KCMF1: variants seen among roughly 807,000 people sequenced by gnomAD.
KCMF1 encodes E3 ubiquitin-protein ligase KCMF1.
KCMF1 carries 3 observed loss-of-function variants against 41.1 expected under a neutral mutation model. The observed-to-expected ratio is 0.07, with a 90% CI of 0.03 to 0.19. KCMF1 has a LOEUF of 0.19. Among genes scored for constraint, KCMF1 ranks in the 10% least tolerant of loss-of-function variants. The probability of loss-of-function intolerance (pLI) is 1.00; values close to 1 mark genes in which losing one functional copy is unlikely to be tolerated. For missense variants in KCMF1, 286 were observed against 488.9 expected, an observed-to-expected ratio of 0.58 and a Z score of 3.91; for synonymous variants, 142 against 164.5, an observed-to-expected ratio of 0.86 and a Z score of 1.04.
chr2:84,987,699 T>C (rs1223096476), intron 1 of KCMF1, among the ~76,000 whole-genome samples: 1 of 152,182 alleles, frequency 6.6e-6, no homozygotes, highest in Non-Finnish European at 1.5e-5. Context: ...TTTAAGAATT[T>C]CATAGCCTTC....
rs1675966140 is a variant in KCMF1 at position 85,057,634 on chromosome 2, C to T, written c.*4225C>T. On this transcript the variant is annotated 3_prime_UTR_variant, in exon 7 of 7. Transcript: ENST00000409785. Reference sequence around the variant, plus strand: ...CCTGTGCTTATCGGCTTCAACTGTGCTTACACAACGTTTGTTTCTAATTCG... The same window carrying T: ...CCTGTGCTTATCGGCTTCAACTGTGTTTACACAACGTTTGTTTCTAATTCG... The T allele has an allele frequency of 6.6e-6, 1 of 152,214 alleles. No homozygotes were observed. Among genetic ancestry groups the T allele is most frequent in the African/African-American group, 2.4e-5 (1 of 41,450 alleles). The allele number at this position is 152,214 out of a possible 1,614,324, so 9.4% of individuals were successfully genotyped here. A position where few individuals can be genotyped will look rare whatever the true frequency, so the allele number is the denominator to read the frequency against.
chr2:84,977,028 A>G lies in KCMF1; in HGVS notation c.16+5561A>G, dbSNP rs1444582964. ...TCTCTCTCTCTCCTTTTTTATAATT[A>G]TTTTTTTTTACTCTCTGTTGCCCAG... On this transcript the variant is annotated intron_variant, in intron 1 of 6. Coordinates refer to ENST00000409785, the MANE Select transcript of KCMF1 (RefSeq NM_020122.5). 3.3e-5 allele frequency among the ~76,000 whole-genome samples: 5 copies of G among 150,446 alleles called. No individual in the cohort carries two copies. The South Asian group carries it at 1.1e-3, about 32-fold the overall frequency.
chr2:85,039,642 T>C (rs898427788), intron 3 of KCMF1, among the ~76,000 whole-genome samples: 3 of 152,064 alleles, frequency 2.0e-5, no homozygotes, highest in African/African-American at 7.2e-5. Flanking sequence ...GGAGACTCTG[T>C]ACGTTCTTGG....
At chr2:84,975,042 A>T (rs886240844) in intron 1 of KCMF1, among the ~76,000 whole-genome samples, 1 of 152,078 alleles carries the variant, frequency 6.6e-6, no homozygotes, top group African/African-American at 2.4e-5. Context: ...ATGAAATATG[A>T]TTTGTCATTT....
chr2:84,974,567 A>G (rs1354192041), intron 1 of KCMF1, among the ~76,000 whole-genome samples: 1 of 149,718 alleles, frequency 6.7e-6, no homozygotes, highest in African/African-American at 2.5e-5. Flanking sequence ...GAGCTGTAAT[A>G]GTACGAAAGC....
intron 1 of KCMF1, 151 bp from the exon 2 acceptor site, chr2:85,027,738 T>C: frequency 1.7e-6 from 1 of 596,982 alleles, no homozygotes; most frequent in South Asian, 2.1e-5. Flanking sequence ...ATCCAGCACA[T>C]GGCTAAAACT....
intron 1 of KCMF1, among the ~76,000 whole-genome samples, chr2:84,985,004 A>G (rs1574006381): frequency 6.6e-6 from 1 of 152,108 alleles, no homozygotes; most frequent in East Asian, 1.9e-4. Context: ...GCTACTTTAG[A>G]TAGGGTGGTC....
intron 1 of KCMF1, among the ~76,000 whole-genome samples, chr2:84,982,885 G>A (rs1673801174): frequency 6.6e-6 from 1 of 152,156 alleles, no homozygotes; most frequent in African/African-American, 2.4e-5. Flanking sequence ...CTATACATAT[G>A]AATATACATA....
Position 85,020,880 on chromosome 2 carries a change from T to C in KCMF1, c.17-7009T>C, listed in dbSNP as rs181447854. Among the ~76,000 whole-genome samples, 509 of 152,280 alleles carry C rather than the reference T, an allele frequency of 3.3e-3. 2 individuals carry two copies. The highest frequency in any genetic ancestry group is 5.4e-3 in the Non-Finnish European group (368 of 68,026). On this transcript the variant is annotated intron_variant, in intron 1 of 6. Transcript: ENST00000409785. Reference sequence around the variant, plus strand: ...TTCCACCTTGCTCTACAACTTTTTTTCTTTTATTGGAGTCAGGGTTTGCTC... The same window carrying C: ...TTCCACCTTGCTCTACAACTTTTTTCCTTTTATTGGAGTCAGGGTTTGCTC...
In KCMF1 at chr2:85,024,720, C is replaced by T. The variant is rs116415640; in HGVS notation, c.17-3169C>T. 9.3e-3 allele frequency among the ~76,000 whole-genome samples: 1,417 copies of T among 152,176 alleles called. 17 individuals are homozygous for T. Among genetic ancestry groups the T allele is most frequent in the African/African-American group, 0.032 (1,328 of 41,518 alleles). ...TTTTTCATTGTTCTTTTGAATCCGT[C>T]TTTAAACCATGTGGAATTGATTTTT... On this transcript the variant is annotated intron_variant, in intron 1 of 6. Transcript: ENST00000409785.
At chr2:84,980,184 A>T (rs1673670045) in intron 1 of KCMF1, among the ~76,000 whole-genome samples, 1 of 152,144 alleles carries the variant, frequency 6.6e-6, no homozygotes. Context: ...ATCTGGGATA[A>T]GGCAGACAGT....
intron 4 of KCMF1, 24 bp from the exon 5 acceptor site, chr2:85,046,080 T>G (rs1177220839): frequency 1.9e-6 from 3 of 1,582,250 alleles, no homozygotes; most frequent in Non-Finnish European, 2.6e-6. Flanking sequence ...AATACTTTCG[T>G]TTTTTTCTTA....
chr2:85,039,872 G>C (rs1675484930), intron 3 of KCMF1, among the ~76,000 whole-genome samples: 1 of 152,076 alleles, frequency 6.6e-6, no homozygotes, highest in Non-Finnish European at 1.5e-5. Context: ...GAGTGCGATG[G>C]TGCGATCTCG....
At chr2:85,032,263 C>T (rs1309598679) in intron 2 of KCMF1, among the ~76,000 whole-genome samples, 1 of 152,168 alleles carries the variant, frequency 6.6e-6, no homozygotes, top group African/African-American at 2.4e-5. Flanking sequence ...CTTCCGCCTC[C>T]TGGCTTCAAG....
intron 1 of KCMF1, among the ~76,000 whole-genome samples, chr2:85,014,707 G>A (rs1051377230): frequency 1.3e-4 from 17 of 128,088 alleles, no homozygotes; most frequent in Non-Finnish European, 2.2e-4. Context: ...ACTGGCGCGC[G>A]CGTGCGTGCG....
At chr2:84,981,029 A>G (rs930510703) in intron 1 of KCMF1, among the ~76,000 whole-genome samples, 4 of 151,500 alleles carry the variant, frequency 2.6e-5, no homozygotes, top group Admixed American at 6.6e-5. Flanking sequence ...AGAAGTATAG[A>G]TGGATCCCTG....
At chr2:85,048,009 A>C (rs2104063398) in intron 5 of KCMF1, among the ~76,000 whole-genome samples, 1 of 152,280 alleles carries the variant, frequency 6.6e-6, no homozygotes, top group Non-Finnish European at 1.5e-5. Flanking sequence ...TACTGGGCTT[A>C]ATTGGGTCCT....
intron 1 of KCMF1, among the ~76,000 whole-genome samples, chr2:84,991,402 T>C (rs1480148722): frequency 1.3e-5 from 2 of 152,234 alleles, no homozygotes; most frequent in Non-Finnish European, 2.9e-5. Context: ...TGAATGAATA[T>C]GAATAAATAC....
At chr2:85,014,456 T>C (rs540476218) in intron 1 of KCMF1, among the ~76,000 whole-genome samples, 1 of 152,302 alleles carries the variant, frequency 6.6e-6, no homozygotes, top group South Asian at 2.1e-4. Flanking sequence ...TTAGTGCCTG[T>C]GTGCCTCAGT....
Sources: gnomAD v4.1 joint callset for allele counts (sites outside exome capture counted in the v4.1 genomes callset) on GRCh38, gnomAD v4.1.1 for gene constraint, MANE v1.5 for transcripts, NCBI Gene and HGNC (gene_info 2026-07-23, HGNC 2026-07-21) for gene names.